The following ABCA1 variants were observed in gnomAD, a reference collection of about 807,000 sequenced individuals.
ABCA1 encodes the protein ATP binding cassette subfamily A member 1, also known as phospholipid-transporting ATPase ABCA1.
Under a neutral mutation model 262.5 loss-of-function variants are expected in ABCA1, and 133 were observed. The ratio of observed to expected loss-of-function variants is 0.51; its 90% CI spans 0.44 to 0.59. The LOEUF (loss-of-function observed/expected upper bound fraction) is 0.59, where lower values mean the gene tolerates loss of function less well. Among genes scored for constraint, ABCA1 ranks in the 20% least tolerant of loss-of-function variants. The pLI, the probability that ABCA1 is intolerant of heterozygous loss-of-function variation, is 0.00. For missense variants in ABCA1, 2,452 were observed against 2,777.5 expected (o/e 0.88, Z 2.63); for synonymous variants, 1,022 against 1,043.5 (o/e 0.98, Z 0.40).
At chr9:104,791,163 C>A in intron 43 of ABCA1, 135 bp from the exon 44 acceptor site, 2 of 624,554 alleles carry the variant, frequency 3.2e-6, no homozygotes, top group Non-Finnish European at 5.7e-6. Context: ...TTTAACACAT[C>A]GTATAGATAT....
At chr9:104,845,352 A>G (rs1834768183) in intron 8 of ABCA1, 125 bp downstream of exon 8, 2 of 729,196 alleles carry the variant, frequency 2.7e-6, no homozygotes, top group African/African-American at 1.7e-5. Context: ...CATCACTTAT[A>G]CTTTGAAAAT....
intron 28 of ABCA1, 82 bp from the exon 29 acceptor site, chr9:104,811,006 G>A (rs946119047): frequency 2.8e-5 from 44 of 1,599,662 alleles, no homozygotes; most frequent in Non-Finnish European, 3.2e-5. Flanking sequence ...AAATCCCTAC[G>A]AGTCCAGCCC....
intron 43 of ABCA1, 48 bp downstream of exon 43, chr9:104,791,888 T>C (rs527681760): frequency 3.2e-6 from 5 of 1,573,306 alleles, no homozygotes; most frequent in African/African-American, 2.7e-5. Context: ...TGGGTAGAGA[T>C]AGTCTGAACT....
intron 1 of ABCA1, among the ~76,000 whole-genome samples, chr9:104,904,432 G>A (rs542966181): frequency 4.6e-5 from 7 of 152,156 alleles, no homozygotes; most frequent in African/African-American, 1.7e-4. Flanking sequence ...GCTGGGCATG[G>A]TGGCAGGCAC....
At chr9:104,889,996 T>G (rs1839565778) in intron 2 of ABCA1, among the ~76,000 whole-genome samples, 1 of 152,152 alleles carries the variant, frequency 6.6e-6, no homozygotes, top group Admixed American at 6.5e-5. Context: ...CCTGCCTCAG[T>G]GAGTTACCAG....
At position 104,790,978 on chromosome 9, in the gene ABCA1, C is replaced by T. The variant is rs1403745857; in HGVS notation, c.5871G>A (p.Lys1957=). The change falls in exon 44 of 50, where the codon AAG becomes AAA. Residue 1957 remains lysine (K), a synonymous_variant. Coordinates refer to ENST00000374736, the MANE Select transcript of ABCA1 (RefSeq NM_005502.4). ...VNGAGKSSTF[K]MLTGDTTVTR... is the part of the protein sequence containing the mutation. ...TAACAGTGGTATCTCCTGTTAACAT[C>T]TTGAAAGTTGATGATTTTCCAGCCC... 44 of 1,613,784 alleles carry T rather than the reference C, an allele frequency of 2.7e-5. No individual in the cohort carries two copies. The highest frequency in any genetic ancestry group is 3.4e-5 in the Non-Finnish European group (40 of 1,179,906).
At chr9:104,848,879 C>A (rs1329009565) in intron 7 of ABCA1, among the ~76,000 whole-genome samples, 1 of 152,046 alleles carries the variant, frequency 6.6e-6, no homozygotes, top group Non-Finnish European at 1.5e-5. Context: ...TGAGTAGGAC[C>A]CAAGATGGTG....
intron 40 of ABCA1, 102 bp downstream of exon 40, chr9:104,794,285 G>A (rs1368179678): frequency 1.9e-6 from 3 of 1,571,288 alleles, no homozygotes; most frequent in Non-Finnish European, 2.6e-6. Flanking sequence ...GGAACATCCT[G>A]TGCTTAGTCA....
intron 5 of ABCA1, among the ~76,000 whole-genome samples, 176 bp downstream of exon 5, chr9:104,882,863 C>G (rs1838806455): frequency 6.6e-6 from 1 of 152,204 alleles, no homozygotes; most frequent in African/African-American, 2.4e-5. Context: ...GCAACCAGCT[C>G]CCCTAGTTTC....
In ABCA1 at chr9:104,816,268, T is replaced by G; in HGVS notation, c.3613A>C (p.Thr1205Pro). 3 of 1,614,048 alleles carry G rather than the reference T, an allele frequency of 1.9e-6. No homozygotes were observed. The highest frequency in any genetic ancestry group is 2.5e-6 in the Non-Finnish European group (3 of 1,180,004). ...GCAGCTTCATATGGCAGCACATAGG[T>G]CAGCTCATGCCCTATGTCTTCCACC... ...RLVEDIGHEL[T>P]YVLPYEAAKE... Residue 1205 changes from threonine to proline, a missense_variant, in exon 25 of 50, where the codon ACC becomes CCC. Around this residue, in one of 4 missense-constraint regions of ABCA1, gnomAD observed 665 missense variants for 727.3 expected, o/e 0.91. Transcript: ENST00000374736.
chr9:104,809,283 C>T (rs770478829), intron 30 of ABCA1, among the ~76,000 whole-genome samples, 183 bp downstream of exon 30: 1 of 152,246 alleles, frequency 6.6e-6, no homozygotes, highest in Non-Finnish European at 1.5e-5. Flanking sequence ...ACTCTCCAAA[C>T]GTTTGTTCCT....
chr9:104,872,924 T>C (rs1837757882), intron 5 of ABCA1, among the ~76,000 whole-genome samples: 1 of 152,278 alleles, frequency 6.6e-6, no homozygotes, highest in Non-Finnish European at 1.5e-5. Flanking sequence ...TCTATTCTTG[T>C]CTGAGTAAAG....
At chr9:104,795,880 C>T (rs977178376) in intron 39 of ABCA1, among the ~76,000 whole-genome samples, 173 bp downstream of exon 39, 1 of 152,202 alleles carries the variant, frequency 6.6e-6, no homozygotes, top group African/African-American at 2.4e-5. Flanking sequence ...ATGTAAGGCA[C>T]AGCAAGAAAG....
intron 2 of ABCA1, among the ~76,000 whole-genome samples, chr9:104,893,044 T>C (rs1218528039): frequency 6.6e-6 from 1 of 152,230 alleles, no homozygotes; most frequent in Non-Finnish European, 1.5e-5. Context: ...TCCAAGCTTG[T>C]AGCTGAATAA....
chr9:104,876,222 A>G (rs992536131), intron 5 of ABCA1, among the ~76,000 whole-genome samples: 1 of 152,230 alleles, frequency 6.6e-6, no homozygotes, highest in African/African-American at 2.4e-5. Flanking sequence ...GACCAGCATA[A>G]GCAATGGCAA....
intron 1 of ABCA1, among the ~76,000 whole-genome samples, chr9:104,905,946 A>G (rs912968719): frequency 6.6e-6 from 1 of 152,148 alleles, no homozygotes; most frequent in African/African-American, 2.4e-5. Context: ...CTAAGCATCA[A>G]TTTCCTCATG....
chr9:104,845,710 C>G (rs781219365), intron 7 of ABCA1, 141 bp from the exon 8 acceptor site: 70 of 650,458 alleles, frequency 1.1e-4, no homozygotes, highest in Non-Finnish European at 1.7e-4. Context: ...ACTAAAGACA[C>G]TACAATTATT....
At chr9:104,864,912 A>C (rs1780448591) in intron 5 of ABCA1, among the ~76,000 whole-genome samples, 1 of 152,220 alleles carries the variant, frequency 6.6e-6, no homozygotes, top group Admixed American at 6.5e-5. Context: ...GCCTCCTATC[A>C]GTGAATCCCC....
chr9:104,809,712 C>T (rs957969722), intron 29 of ABCA1, 148 bp from the exon 30 acceptor site: 2 of 777,360 alleles, frequency 2.6e-6, no homozygotes, highest in African/African-American at 1.7e-5. Context: ...AGAAACCACC[C>T]AGAAGGATCT....
Sources: gnomAD v4.1 joint callset for allele counts (sites outside exome capture counted in the v4.1 genomes callset) on GRCh38, gnomAD v4.1.1 for gene constraint, gnomAD v4.1.1 regional missense constraint, MANE v1.5 for transcripts, NCBI Gene and HGNC (gene_info 2026-07-23, HGNC 2026-07-21) for gene names.